Variants in PHF3 observed in about 807,000 individuals in gnomAD.
PHF3 encodes the protein PHD finger protein 3.
A neutral mutation model predicts 178.4 loss-of-function variants in PHF3; 41 were observed. That is an observed-to-expected ratio of 0.23 (90% confidence interval 0.18 to 0.30). The LOEUF is 0.30. Ranked by LOEUF, PHF3 falls within the 10% of genes least tolerant of loss-of-function variation. PHF3 has a pLI of 1.00. For synonymous variants in PHF3, 842 were observed against 800.5 expected (o/e 1.05, Z -0.88); for missense variants, 2,346 against 2,398.1 (o/e 0.98, Z 0.45).
In PHF3 at chr6:63,713,908, T is replaced by C; in HGVS notation, c.*200T>C. 9.6e-6 allele frequency: 4 copies of C among 418,262 alleles called. No homozygotes were observed. The allele number at this position is 418,262 out of a possible 1,614,324, so 25.9% of individuals were successfully genotyped here. A position where few individuals can be genotyped will look rare whatever the true frequency, so the allele number is the denominator to read the frequency against. The stretch of plus-strand genomic sequence containing the variant: ...ATCCCTTCTTCATACCAACGGTCCC[T>C]AGTTATAGGAATTTAATATTTTTAA... On this transcript the variant is annotated 3_prime_UTR_variant, in exon 16 of 16. Coordinates refer to ENST00000262043, the MANE Select transcript of PHF3 (RefSeq NM_001370348.2).
In PHF3 at chr6:63,682,999, G is replaced by A. The variant is rs1766505467; in HGVS notation, c.407-1130G>A. ...GAAACAAAGCTTTATTAAAATTTTA[G>A]TTATTTAAAAAAATTTTATAACTGA... On this transcript the variant is annotated intron_variant, in intron 3 of 15. Coordinates refer to ENST00000262043, the MANE Select transcript of PHF3 (RefSeq NM_001370348.2). Among the ~76,000 whole-genome samples, 4 of 151,668 alleles carry A rather than the reference G, an allele frequency of 2.6e-5. No homozygotes were observed. In the South Asian group the frequency reaches 8.3e-4, roughly 32 times the overall value.
chr6:63,688,823 C>T (rs1215850017), intron 4 of PHF3, among the ~76,000 whole-genome samples: 2 of 152,058 alleles, frequency 1.3e-5, no homozygotes, highest in Non-Finnish European at 2.9e-5. Context: ...TAATTTTGAT[C>T]CTTCTCTTTG....
At chr6:63,681,063 A>G (rs1226297918) in intron 3 of PHF3, among the ~76,000 whole-genome samples, 4 of 152,244 alleles carry the variant, frequency 2.6e-5, no homozygotes, top group Non-Finnish European at 5.9e-5. Flanking sequence ...GTCTATTCTC[A>G]TACTGGAATC....
Position 63,722,572 on chromosome 6 carries a change from G to C in PHF3, c.*8864G>C, listed in dbSNP as rs1390252749. 6.6e-6 allele frequency among the ~76,000 whole-genome samples: 1 copy of C among 152,188 alleles called. No homozygotes were observed. Among genetic ancestry groups the C allele is most frequent in the Non-Finnish European group, 1.5e-5 (1 of 68,018 alleles). The stretch of plus-strand genomic sequence containing the variant: ...AATTCTGCAAGCTTGGAAAAAGCAT[G>C]TTCTTCACTGTAAGATTGCTTGAAG... On this transcript the variant is annotated 3_prime_UTR_variant, in exon 16 of 16. Transcript: ENST00000262043.
chr6:63,684,351 T>C lies in PHF3; in HGVS notation c.629T>C (p.Val210Ala), dbSNP rs1766576971. 2 of 1,613,884 alleles carry C rather than the reference T, an allele frequency of 1.2e-6. No individual in the cohort carries two copies. Among genetic ancestry groups the C allele is most frequent in the East Asian group, 4.5e-5 (2 of 44,872 alleles). Residue 210 changes from valine to alanine, a missense_variant, in exon 4 of 16, where the codon GTA becomes GCA. By Grantham distance (64) the Val-to-Ala change is moderately conservative. This residue lies in a region of PHF3 where 843 missense variants were observed against 795.2 expected (regional missense o/e 1.06). Transcript: ENST00000262043. Reference sequence around the variant, plus strand: ...CGAAATAGCGGACAAATTGAAGTGGTACCTGAAGTATCAGTGTCTTCAAGT... The same window carrying C: ...CGAAATAGCGGACAAATTGAAGTGGCACCTGAAGTATCAGTGTCTTCAAGT... ...CSRNSGQIEV[V>A]PEVSVSSSHS...
At chr6:63,667,120 C>T (rs986368579) in intron 2 of PHF3, among the ~76,000 whole-genome samples, 1 of 152,116 alleles carries the variant, frequency 6.6e-6, no homozygotes, top group African/African-American at 2.4e-5. Context: ...GCTGGGATTA[C>T]AGATATGAGT....
At position 63,685,596 on chromosome 6, in the gene PHF3, A is replaced by G. The variant is rs1766657658; in HGVS notation, c.1874A>G (p.Lys625Arg). Reference protein sequence around the residue: ...QTGHVSHSSQKQCHKPQQQAP... With the variant: ...QTGHVSHSSQRQCHKPQQQAP... ...GGACATGTATCACATTCTAGCCAGA[A>G]ACAGTGTCATAAGCCTCAGCAACAG... The change falls in exon 4 of 16, where the codon AAA (lysine) becomes AGA (arginine). Residue 625 changes from lysine to arginine, a missense_variant. This residue lies in a region of PHF3 where 843 missense variants were observed against 795.2 expected (regional missense o/e 1.06). Coordinates refer to ENST00000262043, the MANE Select transcript of PHF3 (RefSeq NM_001370348.2). The G allele has an allele frequency of 5.6e-6, 9 of 1,614,156 alleles. No individual in the cohort carries two copies. Among genetic ancestry groups the G allele is most frequent in the Non-Finnish European group, 7.6e-6 (9 of 1,180,032 alleles).
chr6:63,707,519 A>C (rs1357206054), intron 13 of PHF3, among the ~76,000 whole-genome samples: 1 of 152,210 alleles, frequency 6.6e-6, no homozygotes, highest in Non-Finnish European at 1.5e-5. Context: ...ACATTTTTGA[A>C]TTATTTTGAA....
chr6:63,658,365 T>C (rs559802702), intron 2 of PHF3, among the ~76,000 whole-genome samples: 154 of 152,328 alleles, frequency 1.0e-3, no homozygotes, highest in African/African-American at 3.5e-3. Context: ...TTATTCACTT[T>C]GTTGTTACAG....
chr6:63,647,198 G>A (rs1004806205), intron 2 of PHF3, among the ~76,000 whole-genome samples: 5 of 151,948 alleles, frequency 3.3e-5, no homozygotes, highest in Non-Finnish European at 7.4e-5. Flanking sequence ...CTGGAGTCGG[G>A]GGATGGCTGA....
intron 9 of PHF3, among the ~76,000 whole-genome samples, chr6:63,701,924 A>G (rs3800489): frequency 0.29 from 43,951 of 151,956 alleles, 6,637 homozygotes; most frequent in Admixed American, 0.37. Flanking sequence ...AGTACCATCT[A>G]TGCCTTCCTT....
chr6:63,687,445 A>T (rs115809624), intron 4 of PHF3, among the ~76,000 whole-genome samples: 10 of 152,182 alleles, frequency 6.6e-5, no homozygotes, highest in Admixed American at 2.0e-4. Flanking sequence ...ACATTACTCA[A>T]ATATTCTGAA....
chr6:63,656,465 CTG>C (rs1329363094), intron 2 of PHF3, among the ~76,000 whole-genome samples: 4 of 152,134 alleles, frequency 2.6e-5, no homozygotes, highest in African/African-American at 9.7e-5. Context: ...CAGTTGCTGA[CTG>C]TGTGTTTGTA....
At position 63,721,004 on chromosome 6, in the gene PHF3, C is replaced by T. The variant is rs1389254385; in HGVS notation, c.*7296C>T. 1 of 1,551,286 alleles carries T rather than the reference C, an allele frequency of 6.4e-7. No individual in the cohort carries two copies. On this transcript the variant is annotated 3_prime_UTR_variant, in exon 16 of 16. Transcript: ENST00000262043. ...AGGTCTGATTATGGAGACCAATTGC[C>T]AGAAAATCATTTTCTTCATTTTGAG... is the stretch of plus-strand genomic sequence containing the variant.
intron 2 of PHF3, among the ~76,000 whole-genome samples, chr6:63,647,548 G>GT (rs1366916287): frequency 2.6e-5 from 4 of 151,314 alleles, no homozygotes; most frequent in Non-Finnish European, 5.9e-5. Flanking sequence ...CACTTGTTTT[G>GT]TTTTTTTTGC....
Position 63,723,197 on chromosome 6 carries a change from A to G in PHF3, c.*9489A>G, listed in dbSNP as rs1174858838. Among the ~76,000 whole-genome samples, 1 of 152,232 alleles carries G rather than the reference A, an allele frequency of 6.6e-6. No individual in the cohort carries two copies. Among genetic ancestry groups the G allele is most frequent in the African/African-American group, 2.4e-5 (1 of 41,470 alleles). ...GACATGAAAATTGTTTTAAAAATTC[A>G]TAACAAAGAAACTCAGTTTATTTGC... On this transcript the variant is annotated 3_prime_UTR_variant, in exon 16 of 16. Transcript: ENST00000262043.
At chr6:63,669,856 A>G (rs965660440) in intron 2 of PHF3, among the ~76,000 whole-genome samples, 10 of 152,232 alleles carry the variant, frequency 6.6e-5, no homozygotes, top group African/African-American at 2.2e-4. Context: ...GGCTGAATAC[A>G]TATAATAATA....
intron 1 of PHF3, among the ~76,000 whole-genome samples, chr6:63,642,610 C>T (rs1203328778): frequency 1.3e-5 from 2 of 152,070 alleles, no homozygotes; most frequent in Non-Finnish European, 2.9e-5. Flanking sequence ...CCCAAATTAC[C>T]AATACGGATT....
rs983791295 is a variant in PHF3, at chr6:63,706,131, ATGCATTATCTTC to A, written c.3471_3482del (p.Asp1157_Ser1161delinsGlu). The A allele has an allele frequency of 6.2e-7, 1 of 1,613,834 alleles. No individual in the cohort carries two copies. The highest frequency in any genetic ancestry group is 8.5e-7 in the Non-Finnish European group (1 of 1,179,858). On this transcript the variant is annotated inframe_deletion, in exon 12 of 16. Coordinates refer to ENST00000262043, the MANE Select transcript of PHF3 (RefSeq NM_001370348.2). The stretch of plus-strand genomic sequence containing the variant: ...GACAATGAAGCAGAAAGTATAGCAG[ATGCATTATCTTC>A]AACCTCAAATATTTTGGCTTCTGAA...
Sources: gnomAD v4.1 joint callset for allele counts (sites outside exome capture counted in the v4.1 genomes callset) on GRCh38, gnomAD v4.1.1 for gene constraint, gnomAD v4.1.1 regional missense constraint, MANE v1.5 for transcripts, NCBI Gene and HGNC (gene_info 2026-07-23, HGNC 2026-07-21) for gene names.